The following GOLGA1 variants were observed in gnomAD, a reference collection of about 807,000 sequenced individuals.
GOLGA1 encodes the protein golgin subfamily A member 1.
Under a neutral mutation model 119.7 loss-of-function variants are expected in GOLGA1, and 63 were observed. That is an observed-to-expected ratio of 0.53 (90% CI 0.43 to 0.65). GOLGA1 has a LOEUF of 0.65. Ranked by LOEUF, GOLGA1 falls within the 30% of genes least tolerant of loss-of-function variation. GOLGA1 has a pLI of 0.00. For synonymous variants in GOLGA1, 318 were observed against 333.4 expected, an observed-to-expected ratio of 0.95 and a Z score of 0.50; for missense variants, 798 against 912.8, an observed-to-expected ratio of 0.87 and a Z score of 1.62.
chr9:124,923,057 T>A, intron 8 of GOLGA1, 38 bp downstream of exon 8: 1 of 1,438,424 alleles, frequency 7.0e-7, no homozygotes, highest in Non-Finnish European at 9.7e-7. Flanking sequence ...TGAATAATCA[T>A]CTATTCAGTA....
At chr9:124,923,988 T>G (rs1830622366) in intron 7 of GOLGA1, among the ~76,000 whole-genome samples, 1 of 152,140 alleles carries the variant, frequency 6.6e-6, no homozygotes, top group African/African-American at 2.4e-5. Context: ...CCTGAGTACC[T>G]GAGACTACAG....
intron 13 of GOLGA1, chr9:124,900,201 G>A (rs1830071878): frequency 5.8e-6 from 2 of 344,012 alleles, no homozygotes; most frequent in East Asian, 5.8e-5. Flanking sequence ...CCCAGGACCA[G>A]GCTGGACCAG....
At chr9:124,890,324 A>G in intron 16 of GOLGA1, 65 bp downstream of exon 16, 1 of 1,081,222 alleles carries the variant, frequency 9.2e-7, no homozygotes, top group Non-Finnish European at 1.4e-6. Flanking sequence ...GTCTCACGGC[A>G]GGATGGGCCT....
At chr9:124,936,930 T>C (rs1224880965) in intron 3 of GOLGA1, among the ~76,000 whole-genome samples, 1 of 152,176 alleles carries the variant, frequency 6.6e-6, no homozygotes, top group African/African-American at 2.4e-5. Context: ...TACATACATA[T>C]CTGGTAAGAT....
intron 19 of GOLGA1, among the ~76,000 whole-genome samples, chr9:124,884,724 G>C (rs1829677835): frequency 6.6e-6 from 1 of 152,050 alleles, no homozygotes; most frequent in African/African-American, 2.4e-5. Context: ...TATTCTCTTG[G>C]CTGACCATGA....
At position 124,923,098 on chromosome 9, in the gene GOLGA1, G is replaced by A; in HGVS notation, c.558C>T (p.His186=). Residue 186 remains histidine, a synonymous_variant, in exon 8 of 23, where the codon CAC becomes CAT. Coordinates refer to ENST00000373555, the MANE Select transcript of GOLGA1 (RefSeq NM_002077.4). ...CTACTAAAACAAAAATGCATACCAT[G>A]TGCTTTATTTTACTTAGTTCCTGCT... The part of the protein sequence containing the change: ...FQQQELSKIK[H]MLLKKEESLG... 1.2e-6 allele frequency: 2 copies of A among 1,604,554 alleles called. No individual in the cohort carries two copies. Among genetic ancestry groups the A allele is most frequent in the Non-Finnish European group, 1.7e-6 (2 of 1,174,924 alleles).
At chr9:124,911,029 G>A (rs1489495967) in intron 11 of GOLGA1, among the ~76,000 whole-genome samples, 1 of 152,210 alleles carries the variant, frequency 6.6e-6, no homozygotes, top group African/African-American at 2.4e-5. Flanking sequence ...TCTGATTCTA[G>A]AAATCAATTT....
In GOLGA1 at chr9:124,879,452, A is replaced by C. The variant is rs896809196; in HGVS notation, c.*1078T>G. On this transcript the variant is annotated 3_prime_UTR_variant, in exon 23 of 23. Coordinates refer to ENST00000373555, the MANE Select transcript of GOLGA1 (RefSeq NM_002077.4). ...GTATTTGGGGTGGGATGAGGGAGAG[A>C]GAGCAGCTCCACAGACAAGGCAGAC... 17 of 152,004 alleles carry C rather than the reference A, an allele frequency of 1.1e-4. No homozygotes were observed. The highest frequency in any genetic ancestry group is 3.4e-4 in the African/African-American group (14 of 41,354). 9.4% of individuals were successfully genotyped at this position (152,004 alleles called of 1,614,324 possible). A position where few individuals can be genotyped will look rare whatever the true frequency, so the allele number is the denominator to read the frequency against.
chr9:124,908,157 G>C (rs536126697), intron 12 of GOLGA1, among the ~76,000 whole-genome samples: 1 of 152,340 alleles, frequency 6.6e-6, no homozygotes, highest in East Asian at 1.9e-4. Flanking sequence ...CTATGGGAGG[G>C]AGGCCAATGG....
rs1564317801 is a variant in GOLGA1 at position 124,881,284 on chromosome 9, T to TA, written c.2137-28dup. On this transcript the variant is annotated intron_variant, in intron 21 of 22. Transcript: ENST00000373555. This position sits in a 1 kb window ranked among gnomAD's most constrained non-coding sequence, Gnocchi z 4.9. ...TGAAACACAGTAAGTTTTGCTGCCATAGGCCTTGGTGAAGGTGAGGCGGGG... is the reference window on the plus strand; with the variant it reads ...TGAAACACAGTAAGTTTTGCTGCCATAAGGCCTTGGTGAAGGTGAGGCGGGG... 2 of 1,377,862 alleles carry TA rather than the reference T, an allele frequency of 1.5e-6. No individual in the cohort carries two copies. Among genetic ancestry groups the TA allele is most frequent in the East Asian group, 2.3e-5 (1 of 43,804 alleles). 85.4% of individuals were successfully genotyped at this position (1,377,862 alleles called of 1,614,324 possible).
chr9:124,912,475 C>A (rs996537570), intron 10 of GOLGA1, among the ~76,000 whole-genome samples: 5 of 152,336 alleles, frequency 3.3e-5, no homozygotes, highest in Admixed American at 2.6e-4. Context: ...AGGACAGGGA[C>A]CACAGCAGAG....
At chr9:124,927,244 TG>T (rs1830692037) in intron 6 of GOLGA1, among the ~76,000 whole-genome samples, 1 of 152,230 alleles carries the variant, frequency 6.6e-6, no homozygotes, top group African/African-American at 2.4e-5. Context: ...ATGCCATCTG[TG>T]TAAGTCAAAA....
chr9:124,930,769 A>G (rs1830756691), intron 4 of GOLGA1, among the ~76,000 whole-genome samples: 1 of 152,232 alleles, frequency 6.6e-6, no homozygotes, highest in South Asian at 2.1e-4. Context: ...CCTCAGGCAA[A>G]GGATATAATG....
At chr9:124,928,685 T>A (rs1383760080) in intron 5 of GOLGA1, among the ~76,000 whole-genome samples, 2 of 152,308 alleles carry the variant, frequency 1.3e-5, no homozygotes, top group East Asian at 3.9e-4. Flanking sequence ...ACAAAAAACC[T>A]TTCTTTTACT....
intron 15 of GOLGA1, among the ~76,000 whole-genome samples, chr9:124,895,267 C>G (rs542953650): frequency 6.6e-6 from 1 of 150,944 alleles, no homozygotes; most frequent in Admixed American, 6.6e-5. Flanking sequence ...AACAGAGAAC[C>G]ATCCACAACA....
At chr9:124,939,554 T>TTTC (rs1464822038) in intron 2 of GOLGA1, among the ~76,000 whole-genome samples, 16 of 21,024 alleles carry the variant, frequency 7.6e-4, no homozygotes, top group East Asian at 3.4e-3. Flanking sequence ...TTCTTTCTTT[T>TTTC]TTTTTTTTTT....
At position 124,888,849 on chromosome 9, in the gene GOLGA1, G is replaced by A. The variant is rs1160215759; in HGVS notation, c.1761+294C>T. ...CGAGTAGCTGGGACTACAGGCACTC[G>A]CCACCACGCCTAGCTAATTTTTTGT... On this transcript the variant is annotated intron_variant, in intron 18 of 22. Transcript: ENST00000373555. The surrounding 1 kb of genome is among the most constrained non-coding windows in gnomAD (Gnocchi z 4.4). 2.0e-5 allele frequency among the ~76,000 whole-genome samples: 3 copies of A among 152,104 alleles called. No homozygotes were observed. The highest frequency in any genetic ancestry group is 2.1e-4 in the South Asian group (1 of 4,832).
intron 4 of GOLGA1, among the ~76,000 whole-genome samples, chr9:124,930,499 C>A (rs1048683263): frequency 3.9e-5 from 6 of 152,156 alleles, no homozygotes; most frequent in African/African-American, 1.4e-4. Flanking sequence ...ATGCTATGAA[C>A]CTTTGATAAC....
intron 6 of GOLGA1, among the ~76,000 whole-genome samples, chr9:124,927,934 T>C (rs1830704052): frequency 6.6e-6 from 1 of 152,220 alleles, no homozygotes; most frequent in East Asian, 1.9e-4. Context: ...ACAGATACAC[T>C]ATTTCCCTTC....
Sources: gnomAD v4.1 joint callset for allele counts (sites outside exome capture counted in the v4.1 genomes callset) on GRCh38, gnomAD v4.1.1 for gene constraint, Gnocchi (gnomAD v3.1) non-coding constraint, MANE v1.5 for transcripts, NCBI Gene and HGNC (gene_info 2026-07-23, HGNC 2026-07-21) for gene names.